The following SORBS3 variants were observed in gnomAD, a reference collection of about 807,000 sequenced individuals.
The protein encoded by SORBS3 is vinexin.
Under a neutral mutation model 98.0 loss-of-function variants are expected in SORBS3, and 69 were observed. The ratio of observed to expected loss-of-function variants is 0.70; its 90% CI spans 0.58 to 0.86. The LOEUF is 0.86. SORBS3 is among the 40% of genes least tolerant of loss of function. The pLI is 0.00. For synonymous variants in SORBS3, 394 were observed against 355.4 expected, an observed-to-expected ratio of 1.11 and a Z score of -1.22; for missense variants, 954 against 908.5, an observed-to-expected ratio of 1.05 and a Z score of -0.64.
rs1840145822 is a variant in SORBS3, at chr8:22,554,510, C to G, written c.4C>G (p.Gln2Glu). 1 of 1,610,870 alleles carries G rather than the reference C, an allele frequency of 6.2e-7. No individual in the cohort carries two copies. The highest frequency in any genetic ancestry group is 8.5e-7 in the Non-Finnish European group (1 of 1,179,450). M[Q>E]GPPRSLRAGL... ...GTCCTCCCACCTTGACCCAAGCATGCAGGGCCCACCCCGCAGCCTCCGCGC... is the reference window on the plus strand; with the variant it reads ...GTCCTCCCACCTTGACCCAAGCATGGAGGGCCCACCCCGCAGCCTCCGCGC... The change falls in exon 2 of 21, where the codon CAG becomes GAG. Residue 2 changes from glutamine to glutamate, a missense_variant. By Grantham distance (29) the Gln-to-Glu change is conservative. Coordinates refer to ENST00000240123, the MANE Select transcript of SORBS3 (RefSeq NM_005775.5). The surrounding 1 kb of genome is among the most constrained non-coding windows in gnomAD (Gnocchi z 6.5).
At chr8:22,553,382 AG>A (rs1554547686) in intron 1 of SORBS3, among the ~76,000 whole-genome samples, 3 of 152,166 alleles carry the variant, frequency 2.0e-5, no homozygotes, top group Non-Finnish European at 4.4e-5. Flanking sequence ...GCAGTGGCAG[AG>A]CTTGGCTGTT....
intron 13 of SORBS3, 72 bp from the exon 14 acceptor site, chr8:22,566,589 C>T: frequency 6.3e-7 from 1 of 1,578,428 alleles, no homozygotes; most frequent in Non-Finnish European, 8.6e-7. Flanking sequence ...CTGCCAGTGC[C>T]TGCCCTAGGT....
chr8:22,556,395 T>C (rs1375865330), intron 3 of SORBS3, among the ~76,000 whole-genome samples: 1 of 152,122 alleles, frequency 6.6e-6, no homozygotes, highest in Non-Finnish European at 1.5e-5. Context: ...GCCCAGCATC[T>C]TTACTGCCAC....
chr8:22,567,187 A>C lies in SORBS3; in HGVS notation c.1305+12A>C, dbSNP rs1840448664. The C allele has an allele frequency of 5.8e-6, 9 of 1,552,648 alleles. No individual in the cohort carries two copies. The highest frequency in any genetic ancestry group is 8.0e-6 in the Non-Finnish European group (9 of 1,125,650). On this transcript the variant is annotated intron_variant, in intron 16 of 20. Transcript: ENST00000240123. ...CTAATTATGTGGAGGTGAGCAGGAG[A>C]GACAAGAGCAAGTGGGGCTGGGCTG...
At chr8:22,569,605 TG>T (rs1251247305) in intron 17 of SORBS3, among the ~76,000 whole-genome samples, 11 of 152,218 alleles carry the variant, frequency 7.2e-5, no homozygotes, top group Admixed American at 4.6e-4. Context: ...CCTAAAGTGT[TG>T]GGATTACAGG....
Position 22,571,191 on chromosome 8 carries a change from C to T in SORBS3, c.1713C>T (p.Phe571=). 6.4e-7 allele frequency: 1 copy of T among 1,568,828 alleles called. No homozygotes were observed. The highest frequency in any genetic ancestry group is 8.6e-7 in the Non-Finnish European group (1 of 1,159,190). ...CCCCCCGTCGCACTGGCTTCTCCTTCCCCACCCAGGAGCCTAGACCCCAGA... is the reference window on the plus strand; with the variant it reads ...CCCCCCGTCGCACTGGCTTCTCCTTTCCCACCCAGGAGCCTAGACCCCAGA... ...QTSPRRTGFS[F]PTQEPRPQTQ... Residue 571 remains phenylalanine, a synonymous_variant, in exon 18 of 21, where the codon TTC becomes TTT. Coordinates refer to ENST00000240123, the MANE Select transcript of SORBS3 (RefSeq NM_005775.5).
upstream of SORBS3, among the ~76,000 whole-genome samples, chr8:22,551,158 G>A (rs1425823028): frequency 7.7e-6 from 1 of 130,104 alleles, no homozygotes; most frequent in African/African-American, 2.9e-5. This position sits in a 1 kb window ranked among gnomAD's most constrained non-coding sequence, Gnocchi z 5.8. Flanking sequence ...CCTCTTTAGG[G>A]GCGCGGCACG....
chr8:22,571,078 ACCGCTGCCGC>A lies in SORBS3; in HGVS notation c.1606_1615del (p.Ala536GlnfsTer191). 6.2e-7 allele frequency: 1 copy of A among 1,611,752 alleles called. No homozygotes were observed. The highest frequency in any genetic ancestry group is 8.5e-7 in the Non-Finnish European group (1 of 1,179,568). On this transcript the variant is annotated frameshift_variant, in exon 18 of 21. Coordinates refer to ENST00000240123, the MANE Select transcript of SORBS3 (RefSeq NM_005775.5). LOFTEE classifies it high-confidence loss of function. ...CCAGCTCCCCACGTCTCCCCGCCTG[ACCGCTGCCGC>A]CCGCTCAGCCCGTCACCCCAGCTCC...
chr8:22,564,313 G>A lies in SORBS3; in HGVS notation c.706G>A (p.Val236Ile). 1.2e-6 allele frequency: 2 copies of A among 1,612,392 alleles called. No individual in the cohort carries two copies. Among genetic ancestry groups the A allele is most frequent in the Non-Finnish European group, 1.7e-6 (2 of 1,179,074 alleles). The change falls in exon 9 of 21, where the codon GTC becomes ATC. Residue 236 changes from valine (V) to isoleucine (I), a missense_variant. By Grantham distance (29) the Val-to-Ile change is conservative (BLOSUM62 3). Transcript: ENST00000240123. ...CAGACGCCGGGAAAAAGTAGACAAT[G>A]TCTGGACGGAAGAGTCCTGGAACCA... ...VLRRREKVDN[V>I]WTEESWNQFL...
At position 22,554,765 on chromosome 8, in the gene SORBS3, C is replaced by A. The variant is rs1431030631; in HGVS notation, c.103-98C>A. The A allele has an allele frequency of 2.1e-6, 3 of 1,397,942 alleles. No individual in the cohort carries two copies. Among genetic ancestry groups the A allele is most frequent in the African/African-American group, 2.8e-5 (2 of 70,556 alleles). 86.6% of individuals were successfully genotyped at this position (1,397,942 alleles called of 1,614,324 possible). A position where few individuals can be genotyped will look rare whatever the true frequency, so the allele number is the denominator to read the frequency against. On this transcript the variant is annotated intron_variant, in intron 2 of 20. Transcript: ENST00000240123. This position sits in a 1 kb window ranked among gnomAD's most constrained non-coding sequence, Gnocchi z 6.5. ...TTTCCCACAAAATCGTCAGGCGGGC[C>A]TGGGACTGTCACCGAGGGGTGTGGG...
intron 11 of SORBS3, 124 bp from the exon 12 acceptor site, chr8:22,565,702 C>G (rs953797600): frequency 9.4e-5 from 115 of 1,228,264 alleles, no homozygotes; most frequent in Non-Finnish European, 1.1e-4. Context: ...GCGGGCGCCT[C>G]TAGGACCCCG....
chr8:22,564,833 G>T, intron 10 of SORBS3: 1 of 1,302,056 alleles, frequency 7.7e-7, no homozygotes, highest in Non-Finnish European at 9.8e-7. Flanking sequence ...GCCTGATTCG[G>T]CGAAGACCCA....
intron 1 of SORBS3, among the ~76,000 whole-genome samples, chr8:22,545,560 G>A (rs1840007562): frequency 6.6e-6 from 1 of 152,234 alleles, no homozygotes; most frequent in Non-Finnish European, 1.5e-5. Context: ...CTGCCACCTT[G>A]GCAAGACCTG....
intron 7 of SORBS3, among the ~76,000 whole-genome samples, chr8:22,562,398 A>G (rs1000468682): frequency 2.0e-5 from 3 of 152,202 alleles, no homozygotes; most frequent in Non-Finnish European, 4.4e-5. Flanking sequence ...AGCCCCTTGG[A>G]GGGATAAGGA....
chr8:22,566,990 G>T, intron 15 of SORBS3, 71 bp from the exon 16 acceptor site: 1 of 1,547,520 alleles, frequency 6.5e-7, no homozygotes, highest in Non-Finnish European at 8.9e-7. Flanking sequence ...GGGGTGTGTT[G>T]GGCAGGGTCT....
In SORBS3 at chr8:22,563,570, G is replaced by A. The variant is rs114468676; in HGVS notation, c.585-417G>A. On this transcript the variant is annotated intron_variant, in intron 7 of 20. Transcript: ENST00000240123. ...CCAGCTTCTTCAAAGCTGCACAGACGCACATAGCCACAGTCATGGGGCCAG... is the reference window on the plus strand; with the variant it reads ...CCAGCTTCTTCAAAGCTGCACAGACACACATAGCCACAGTCATGGGGCCAG... 2.8e-3 allele frequency among the ~76,000 whole-genome samples: 432 copies of A among 152,256 alleles called. 2 individuals are homozygous for A. The highest frequency in any genetic ancestry group is 1.0e-2 in the African/African-American group (415 of 41,538).
chr8:22,554,587 G>A lies in SORBS3; in HGVS notation c.81G>A (p.Gly27=). The A allele has an allele frequency of 6.2e-7, 1 of 1,612,778 alleles. No individual in the cohort carries two copies. Among genetic ancestry groups the A allele is most frequent in the Non-Finnish European group, 8.5e-7 (1 of 1,179,966 alleles). Residue 27 remains glycine (G), a synonymous_variant, in exon 2 of 21, where the codon GGG becomes GGA. Coordinates refer to ENST00000240123, the MANE Select transcript of SORBS3 (RefSeq NM_005775.5). This position sits in a 1 kb window ranked among gnomAD's most constrained non-coding sequence, Gnocchi z 6.5. ...CTGGCCACCTCCAGTCCCACATAGGGTCTTCCTCCCGGGGGACACGGGTGA... is the reference window on the plus strand; with the variant it reads ...CTGGCCACCTCCAGTCCCACATAGGATCTTCCTCCCGGGGGACACGGGTGA... The part of the protein sequence containing the change: ...FIPGHLQSHI[G]SSSRGTRVPV...
intron 1 of SORBS3, among the ~76,000 whole-genome samples, chr8:22,553,362 C>T (rs1039924012): frequency 1.3e-5 from 2 of 152,260 alleles, no homozygotes; most frequent in African/African-American, 4.8e-5. Context: ...CTGATTCCAT[C>T]CAGTCCTGGG....
chr8:22,571,515 G>T (rs1423041243), intron 18 of SORBS3, among the ~76,000 whole-genome samples: 5 of 152,196 alleles, frequency 3.3e-5, no homozygotes, highest in Non-Finnish European at 5.9e-5. Flanking sequence ...CCTTACTTGG[G>T]CCTCAGTTTT....
Sources: gnomAD v4.1 joint callset for allele counts (sites outside exome capture counted in the v4.1 genomes callset) on GRCh38, gnomAD v4.1.1 for gene constraint, Gnocchi (gnomAD v3.1) non-coding constraint, MANE v1.5 for transcripts, NCBI Gene and HGNC (gene_info 2026-07-23, HGNC 2026-07-21) for gene names.